The following DOCK11 variants were observed in gnomAD, a reference collection of about 807,000 sequenced individuals.
DOCK11 encodes the protein dedicator of cytokinesis 11, also known as dedicator of cytokinesis protein 11.
In DOCK11, 70 loss-of-function variants were observed where a neutral mutation model predicts 169.1. That is an observed-to-expected ratio of 0.41 (90% CI 0.34 to 0.51). The LOEUF (loss-of-function observed/expected upper bound fraction) is 0.51. Among genes scored for constraint, DOCK11 ranks in the 20% least tolerant of loss-of-function variants. The pLI is 0.10. For missense variants in DOCK11, 1,166 were observed against 1,538.8 expected (o/e 0.76, Z 4.05); for synonymous variants, 529 against 541.3 (o/e 0.98, Z 0.32).
intron 1 of DOCK11, among the ~76,000 whole-genome samples, chrX:118,528,198 G>T (rs182577109): frequency 3.7e-4 from 41 of 112,270 alleles, no homozygotes; most frequent in Non-Finnish European, 7.0e-4. Context: ...ACCTTGAGGG[G>T]CAGGCCTGAG....
At chrX:118,590,419 A>G in intron 19 of DOCK11, 117 bp downstream of exon 19, 1 of 606,715 alleles carries the variant, frequency 1.6e-6, no homozygotes, top group Non-Finnish European at 2.6e-6. Context: ...GTTCCATGAA[A>G]ACAGAAAATA....
chrX:118,511,598 T>C (rs1258304745), intron 1 of DOCK11, among the ~76,000 whole-genome samples: 1 of 112,056 alleles, frequency 8.9e-6, no homozygotes, highest in Non-Finnish European at 1.9e-5. Flanking sequence ...TCTCCTTTTC[T>C]CTATTGGCTG....
At chrX:118,515,802 A>T (rs1486309095) in intron 1 of DOCK11, among the ~76,000 whole-genome samples, 1 of 107,298 alleles carries the variant, frequency 9.3e-6, no homozygotes, top group Non-Finnish European at 1.9e-5. Context: ...CTTAGTAGTC[A>T]GTGCCAGAGG....
chrX:118,583,941 T>A (rs995566074), intron 14 of DOCK11, among the ~76,000 whole-genome samples: 2 of 112,029 alleles, frequency 1.8e-5, no homozygotes, highest in Non-Finnish European at 3.8e-5. Flanking sequence ...TTTCCAAATA[T>A]TTTTTATCCA....
chrX:118,683,255 G>T, intron 52 of DOCK11, 38 bp downstream of exon 52: 1 of 1,173,505 alleles, frequency 8.5e-7, no homozygotes, highest in Non-Finnish European at 1.1e-6. Context: ...AACATGATCT[G>T]CGGGTCCCAA....
intron 1 of DOCK11, among the ~76,000 whole-genome samples, chrX:118,509,795 C>G (rs774802238): frequency 3.6e-5 from 4 of 112,313 alleles, no homozygotes; most frequent in Non-Finnish European, 5.6e-5. Flanking sequence ...GTCCAAAAAG[C>G]CTCACTTCCT....
chrX:118,685,802 G>A lies in DOCK11; in HGVS notation c.6217G>A (p.Val2073Met). ...RGYGSPRYAEV is the reference protein window; with the variant it reads ...RGYGSPRYAEM ...TTATGGTTCCCCAAGATACGCTGAA[G>A]TGTGAGGAAATGCAGATGTACGTGA... The change falls in exon 53 of 53, where the codon GTG becomes ATG. Residue 2073 changes from valine to methionine, a missense_variant. Physicochemically the swap from Val to Met is conservative, Grantham distance 21 (BLOSUM62 1). Coordinates refer to ENST00000276202, the MANE Select transcript of DOCK11 (RefSeq NM_144658.4). 3 of 1,211,296 alleles carry A rather than the reference G, an allele frequency of 2.5e-6. No individual in the cohort carries two copies. The highest frequency in any genetic ancestry group is 3.4e-6 in the Non-Finnish European group (3 of 895,220).
At chrX:118,554,256 T>C (rs1222067064) in intron 6 of DOCK11, among the ~76,000 whole-genome samples, 1 of 111,403 alleles carries the variant, frequency 9.0e-6, no homozygotes, top group Non-Finnish European at 1.9e-5. Context: ...TTAAAACCTT[T>C]TTGGGAAGGT....
At chrX:118,572,554 A>G in intron 11 of DOCK11, 91 bp downstream of exon 11, 1 of 920,647 alleles carries the variant, frequency 1.1e-6, no homozygotes, top group Non-Finnish European at 1.5e-6. Flanking sequence ...CCTCCGTGAC[A>G]TGCAATTTAC....
intron 45 of DOCK11, among the ~76,000 whole-genome samples, chrX:118,666,382 T>C (rs543008218): frequency 2.7e-5 from 3 of 112,474 alleles, no homozygotes; most frequent in African/African-American, 9.7e-5. Context: ...TGCCCATTCC[T>C]TCGGGAAAGG....
Position 118,546,044 on chromosome X carries a change from G to A in DOCK11, c.486G>A (p.Gln162=). The A allele has an allele frequency of 8.3e-7, 1 of 1,207,043 alleles. No individual in the cohort carries two copies. Among genetic ancestry groups the A allele is most frequent in the Non-Finnish European group, 1.1e-6 (1 of 892,479 alleles). The change falls in exon 6 of 53, where the codon CAG becomes CAA. Residue 162 remains glutamine, a synonymous_variant. Coordinates refer to ENST00000276202, the MANE Select transcript of DOCK11 (RefSeq NM_144658.4). The stretch of plus-strand genomic sequence containing the variant: ...AGGACTCATCTTCTTTATGTTCTCA[G>A]AAGGGTGGTGTGATAAAACAAGGCT... ...KDEDSSSLCS[Q]KGGVIKQGWL... is the part of the protein sequence containing the mutation.
At chrX:118,567,492 G>A (rs761254028) in intron 9 of DOCK11, among the ~76,000 whole-genome samples, 10 of 105,296 alleles carry the variant, frequency 9.5e-5, no homozygotes, top group Admixed American at 6.2e-4. Flanking sequence ...GAGTGCAGTA[G>A]CACGATCTCA....
Position 118,496,021 on chromosome X carries a change from C to A in DOCK11, c.50C>A (p.Ala17Glu). 1.8e-6 allele frequency: 2 copies of A among 1,096,334 alleles called. No individual in the cohort carries two copies. Among genetic ancestry groups the A allele is most frequent in the Non-Finnish European group, 2.4e-6 (2 of 843,701 alleles). 90.4% of individuals were successfully genotyped at this position (1,096,334 alleles called of 1,213,427 possible). A position where few individuals can be genotyped will look rare whatever the true frequency, so the allele number is the denominator to read the frequency against. ...FTKRLSKPGTAAELRQSVSEA... is the reference protein window; with the variant it reads ...FTKRLSKPGTEAELRQSVSEA... ...AAACGGCTCAGCAAGCCTGGCACGG[C>A]GGCTGAGCTCCGGCAGAGCGTGTCT... The change falls in exon 1 of 53, where the codon GCG (alanine) becomes GAG (glutamate). Residue 17 changes from alanine to glutamate, a missense_variant. Ala to Glu is a moderately radical substitution (Grantham distance 107). Transcript: ENST00000276202.
chrX:118,672,248 G>A (rs1181136992), intron 46 of DOCK11, among the ~76,000 whole-genome samples: 1 of 111,893 alleles, frequency 8.9e-6, no homozygotes, highest in Non-Finnish European at 1.9e-5. Flanking sequence ...ATAAAGTTTA[G>A]TTAATAAAGA....
chrX:118,667,558 T>C (rs11260160), intron 45 of DOCK11, among the ~76,000 whole-genome samples: 27,876 of 109,820 alleles, frequency 0.25, 3,120 homozygotes, highest in African/African-American at 0.42. Context: ...CTCGGTTCTC[T>C]TCCACTGATC....
Position 118,675,909 on chromosome X carries a change from G to A in DOCK11, c.5200-27G>A, listed in dbSNP as rs757588446. The A allele has an allele frequency of 5.4e-5, 50 of 921,671 alleles. No individual in the cohort carries two copies. In the East Asian group the frequency reaches 1.6e-3, roughly 29 times the overall value. 76.0% of individuals were successfully genotyped at this position (921,671 alleles called of 1,213,427 possible). On this transcript the variant is annotated intron_variant, in intron 46 of 52. Transcript: ENST00000276202. Reference sequence around the variant, plus strand: ...ATTTAGTAATTAAACAAAAAACAAAGCTGATTTGTATATTTTTATTTTTCA... The same window carrying A: ...ATTTAGTAATTAAACAAAAAACAAAACTGATTTGTATATTTTTATTTTTCA...
chrX:118,601,757 A>C (rs112922375), intron 23 of DOCK11, among the ~76,000 whole-genome samples: 1,694 of 111,297 alleles, frequency 0.015, 30 homozygotes, highest in African/African-American at 0.052. Context: ...TTAGTGCTGA[A>C]AAGGATTCTT....
intron 1 of DOCK11, among the ~76,000 whole-genome samples, chrX:118,522,406 C>T (rs2011286488): frequency 8.9e-6 from 1 of 111,870 alleles, no homozygotes; most frequent in African/African-American, 3.2e-5. Flanking sequence ...AGCAAATTAC[C>T]ACATACTTAG....
At position 118,636,828 on chromosome X, in the gene DOCK11, T is replaced by TACACACAC. The variant is rs765702693; in HGVS notation, c.3953+445_3953+452dup. Among the ~76,000 whole-genome samples the TACACACAC allele has an allele frequency of 7.4e-3, 743 of 100,553 alleles. 5 individuals are homozygous for TACACACAC. The highest frequency in any genetic ancestry group is 0.02 in the African/African-American group (538 of 27,367). 87.3% of individuals were successfully genotyped at this position (100,553 alleles called of 115,157 possible). On this transcript the variant is annotated intron_variant, in intron 36 of 52. Coordinates refer to ENST00000276202, the MANE Select transcript of DOCK11 (RefSeq NM_144658.4). ...AGAAATGTGTCTGTGTATTTGTGTG[T>TACACACAC]ACACACACACACACACACACACACA...
Sources: gnomAD v4.1 joint callset for allele counts (sites outside exome capture counted in the v4.1 genomes callset) on GRCh38, gnomAD v4.1.1 for gene constraint, MANE v1.5 for transcripts, NCBI Gene and HGNC (gene_info 2026-07-23, HGNC 2026-07-21) for gene names.